SPATS2L: variants seen among roughly 807,000 people sequenced by gnomAD.
SPATS2L encodes the protein spermatogenesis associated serine rich 2 like, also known as SPATS2-like protein.
Under a neutral mutation model 59.6 loss-of-function variants are expected in SPATS2L, and 30 were observed. The ratio of observed to expected loss-of-function variants is 0.50; its 90% CI spans 0.38 to 0.68. SPATS2L has a LOEUF of 0.68. Among genes scored for constraint, SPATS2L ranks in the 30% least tolerant of loss-of-function variants. The pLI, the probability that SPATS2L is intolerant of heterozygous loss-of-function variation, is 0.00. For synonymous variants in SPATS2L, 252 were observed against 263.5 expected (o/e 0.96, Z 0.42); for missense variants, 615 against 700.0 (o/e 0.88, Z 1.37).
At position 200,419,595 on chromosome 2, in the gene SPATS2L, G is replaced by C. The variant is rs537919607; in HGVS notation, c.445+99G>C. ...CTGTTGATGTTGTTGAAAATGGAAG[G>C]TTGTTTTTCTGCAGTGTGTACGATT... On this transcript the variant is annotated intron_variant, in intron 6 of 12. Transcript: ENST00000409140. 6 of 1,402,126 alleles carry C rather than the reference G, an allele frequency of 4.3e-6. No homozygotes were observed. The South Asian group carries it at 8.2e-5, about 19-fold the overall frequency. 86.9% of individuals were successfully genotyped at this position (1,402,126 alleles called of 1,614,324 possible). A position where few individuals can be genotyped will look rare whatever the true frequency, so the allele number is the denominator to read the frequency against.
chr2:200,373,341 T>C (rs2081496174), intron 2 of SPATS2L: 1 of 151,156 alleles, frequency 6.6e-6, no homozygotes, highest in South Asian at 2.1e-4. Context: ...CCTCCATCCT[T>C]ACCCTATGTT....
chr2:200,457,071 C>T (rs527644396), intron 8 of SPATS2L, among the ~76,000 whole-genome samples: 6 of 152,198 alleles, frequency 3.9e-5, no homozygotes, highest in African/African-American at 1.2e-4. Flanking sequence ...AGCAGAGTAG[C>T]TTAACCATAT....
At chr2:200,332,747 G>GA (rs35758472) in intron 2 of SPATS2L, among the ~76,000 whole-genome samples, 56,426 of 139,300 alleles carry the variant, frequency 0.41, 12,247 homozygotes, top group East Asian at 0.72. Flanking sequence ...TTTTTTTTTT[G>GA]AAAAAAAAAA....
At chr2:200,444,765 G>A (rs560184327) in intron 8 of SPATS2L, among the ~76,000 whole-genome samples, 30 of 152,172 alleles carry the variant, frequency 2.0e-4, no homozygotes, top group African/African-American at 6.0e-4. Flanking sequence ...ATTTTCCTGC[G>A]TCTTAGAGTT....
chr2:200,357,756 CATA>C (rs2080964500), intron 2 of SPATS2L, among the ~76,000 whole-genome samples: 1 of 152,148 alleles, frequency 6.6e-6, no homozygotes, highest in African/African-American at 2.4e-5. Context: ...AGTAGACTAT[CATA>C]ATGTTTCTCA....
intron 1 of SPATS2L, among the ~76,000 whole-genome samples, chr2:200,316,444 C>A (rs1355107256): frequency 3.3e-5 from 5 of 152,156 alleles, no homozygotes; most frequent in African/African-American, 1.2e-4. Flanking sequence ...GTGGTAACTA[C>A]CTTGATGTGA....
chr2:200,418,097 T>G (rs372645320), intron 5 of SPATS2L, among the ~76,000 whole-genome samples: 1 of 152,312 alleles, frequency 6.6e-6, no homozygotes, highest in African/African-American at 2.4e-5. Flanking sequence ...CTTGTGATAT[T>G]GGGGGGTCTA....
intron 3 of SPATS2L, among the ~76,000 whole-genome samples, chr2:200,406,185 G>A (rs556976614): frequency 1.3e-5 from 2 of 152,278 alleles, no homozygotes; most frequent in East Asian, 1.9e-4. Context: ...TGGTGGCAAT[G>A]TCAATGCTGG....
chr2:200,322,460 T>C (rs1312646731), intron 1 of SPATS2L, among the ~76,000 whole-genome samples: 1 of 152,224 alleles, frequency 6.6e-6, no homozygotes, highest in Non-Finnish European at 1.5e-5. Flanking sequence ...TGCTGTAAGC[T>C]GATACATCAG....
chr2:200,390,293 C>G (rs911770760), intron 3 of SPATS2L: 1 of 152,208 alleles, frequency 6.6e-6, no homozygotes, highest in South Asian at 2.1e-4. Flanking sequence ...GGGGTATGGC[C>G]CTGAACATGT....
rs193197718 is a variant in SPATS2L at position 200,412,199 on chromosome 2, T to G, written c.40-112T>G. Reference sequence around the variant, plus strand: ...CTTGATGACAAGAAGGTAGATTAGTTGGCTTTTCAAGGCCTTTCTAATAGT... The same window carrying G: ...CTTGATGACAAGAAGGTAGATTAGTGGGCTTTTCAAGGCCTTTCTAATAGT... On this transcript the variant is annotated intron_variant, in intron 3 of 12. Transcript: ENST00000409140. The G allele has an allele frequency of 2.1e-4, 124 of 603,684 alleles. 2 individuals are homozygous for G. The East Asian group carries it at 3.0e-3, about 15-fold the overall frequency. 37.4% of individuals were successfully genotyped at this position (603,684 alleles called of 1,614,324 possible). A position where few individuals can be genotyped will look rare whatever the true frequency, so the allele number is the denominator to read the frequency against.
intron 2 of SPATS2L, among the ~76,000 whole-genome samples, chr2:200,336,456 A>G (rs2080146024): frequency 6.6e-6 from 1 of 152,220 alleles, no homozygotes; most frequent in South Asian, 2.1e-4. Context: ...CTTGGATACT[A>G]CTGTCATGTA....
chr2:200,432,513 G>A (rs1373950069), intron 6 of SPATS2L, among the ~76,000 whole-genome samples: 4 of 152,302 alleles, frequency 2.6e-5, no homozygotes, highest in East Asian at 1.9e-4. Context: ...TTAGTCACCC[G>A]TTAGAACAAA....
rs376364981 is a variant in SPATS2L at position 200,388,663 on chromosome 2, A to T, written c.-22-560A>T. On this transcript the variant is annotated intron_variant, in intron 2 of 12. Coordinates refer to ENST00000409140, the MANE Select transcript of SPATS2L (RefSeq NM_001100423.2). ...ACAGGAAAGGAACAACCCTGCAAAG[A>T]TCTGAAATTAGAGCATTCCAGATAG... Among the ~76,000 whole-genome samples the T allele has an allele frequency of 1.1e-4, 16 of 149,938 alleles. 1 individual carries two copies. In the South Asian group the frequency reaches 3.5e-3, roughly 33 times the overall value.
intron 2 of SPATS2L, among the ~76,000 whole-genome samples, chr2:200,377,274 TAA>T (rs1219471026): frequency 6.6e-6 from 1 of 152,210 alleles, no homozygotes. Flanking sequence ...TGGTGAATCG[TAA>T]TTGCTTGTTT....
chr2:200,393,397 A>G, intron 3 of SPATS2L: 3 of 451,360 alleles, frequency 6.6e-6, no homozygotes, highest in South Asian at 3.1e-5. Flanking sequence ...TGCTCCATGC[A>G]TAGGCTTAAG....
chr2:200,478,129 A>C lies in SPATS2L; in HGVS notation c.*98A>C. 2 of 1,136,458 alleles carry C rather than the reference A, an allele frequency of 1.8e-6. No homozygotes were observed. Among genetic ancestry groups the C allele is most frequent in the Non-Finnish European group, 2.4e-6 (2 of 822,730 alleles). The allele number at this position is 1,136,458 out of a possible 1,614,324, so 70.4% of individuals were successfully genotyped here. On this transcript the variant is annotated 3_prime_UTR_variant, in exon 13 of 13. Coordinates refer to ENST00000409140, the MANE Select transcript of SPATS2L (RefSeq NM_001100423.2). ...AAAGAGTGTCAATCAGAATATACAAATCCCGTATGGTTGTGTCATCCTCTC... is the reference window on the plus strand; with the variant it reads ...AAAGAGTGTCAATCAGAATATACAACTCCCGTATGGTTGTGTCATCCTCTC...
intron 4 of SPATS2L, among the ~76,000 whole-genome samples, chr2:200,414,199 T>C (rs143644832): frequency 1.7e-4 from 26 of 152,282 alleles, no homozygotes; most frequent in African/African-American, 6.0e-4. Flanking sequence ...TCAAATCTGT[T>C]TGTACTTAAA....
intron 8 of SPATS2L, among the ~76,000 whole-genome samples, chr2:200,445,487 A>G (rs183903459): frequency 2.3e-3 from 357 of 152,356 alleles, no homozygotes; most frequent in African/African-American, 7.5e-3. Flanking sequence ...GTGGCCCCAC[A>G]TACAAACCAG....
Sources: gnomAD v4.1 joint callset for allele counts (sites outside exome capture counted in the v4.1 genomes callset) on GRCh38, gnomAD v4.1.1 for gene constraint, MANE v1.5 for transcripts, NCBI Gene and HGNC (gene_info 2026-07-23, HGNC 2026-07-21) for gene names.